Variants in PPP1R42 observed in about 807,000 individuals in gnomAD.
The protein encoded by PPP1R42 is leucine rich repeat containing 67.
Under a neutral mutation model 31.0 loss-of-function variants are expected in PPP1R42, and 34 were observed. The ratio of observed to expected loss-of-function variants is 1.10; its 90% CI spans 0.83 to 1.46. PPP1R42 has a LOEUF of 1.46. Ranked by LOEUF, PPP1R42 falls within the 40% of genes most tolerant of loss-of-function variation. PPP1R42 has a pLI of 0.00. For synonymous variants in PPP1R42, 103 were observed against 109.8 expected, an observed-to-expected ratio of 0.94 and a Z score of 0.39; for missense variants, 268 against 303.0, an observed-to-expected ratio of 0.88 and a Z score of 0.86.
intron 5 of PPP1R42, among the ~76,000 whole-genome samples, chr8:67,002,993 T>TA (rs562250622): frequency 7.9e-4 from 114 of 145,186 alleles, no homozygotes; most frequent in Non-Finnish European, 1.4e-3. Flanking sequence ...CCATCTCTAC[T>TA]AAAAATACAA....
chr8:66,977,042 T>C, intron 7 of PPP1R42, among the ~76,000 whole-genome samples: 1 of 151,742 alleles, frequency 6.6e-6, no homozygotes, highest in Non-Finnish European at 1.5e-5. Flanking sequence ...TTTTGCTTTT[T>C]TTTTTTTTTT....
chr8:67,011,129 G>C (rs1479267381), intron 4 of PPP1R42, among the ~76,000 whole-genome samples: 1 of 151,764 alleles, frequency 6.6e-6, no homozygotes, highest in East Asian at 1.9e-4. Context: ...GAATCAAAAA[G>C]CAAAGAAAGA....
intron 1 of PPP1R42, among the ~76,000 whole-genome samples, chr8:67,027,729 G>A (rs983463427): frequency 6.6e-6 from 1 of 152,134 alleles, no homozygotes; most frequent in African/African-American, 2.4e-5. Flanking sequence ...AATAATGTCC[G>A]CACTTGTGAA....
chr8:66,986,394 C>T (rs1815016628), intron 6 of PPP1R42, among the ~76,000 whole-genome samples: 2 of 152,174 alleles, frequency 1.3e-5, no homozygotes, highest in East Asian at 1.9e-4. Flanking sequence ...CTCAATACTA[C>T]AGCTCACAAA....
At chr8:66,983,701 C>T (rs1003253944) in intron 6 of PPP1R42, among the ~76,000 whole-genome samples, 1 of 152,076 alleles carries the variant, frequency 6.6e-6, no homozygotes, top group Non-Finnish European at 1.5e-5. Context: ...ACCACTTAAA[C>T]ATGAGCCATA....
chr8:67,017,716 C>T lies in PPP1R42; in HGVS notation c.32G>A (p.Arg11Lys). The T allele has an allele frequency of 6.3e-7, 1 of 1,599,340 alleles. No individual in the cohort carries two copies. Among genetic ancestry groups the T allele is most frequent in the Non-Finnish European group, 8.5e-7 (1 of 1,173,406 alleles). Reference sequence around the variant, plus strand: ...TTTTCGGGGTTTAAGATTGCTGTTTCTGGCAATTAGATCCAAGGTCAGTCG... The same window carrying T: ...TTTTCGGGGTTTAAGATTGCTGTTTTTGGCAATTAGATCCAAGGTCAGTCG... MVRLTLDLIARNSNLKPRKEE... is the reference protein window; with the variant it reads MVRLTLDLIAKNSNLKPRKEE... The change falls in exon 2 of 8, where the codon AGA (arginine) becomes AAA (lysine). Residue 11 changes from arginine to lysine, a missense_variant. By Grantham distance (26) the Arg-to-Lys change is conservative (BLOSUM62 2). Coordinates refer to ENST00000685739, the MANE Select transcript of PPP1R42 (RefSeq NM_001364910.1).
At chr8:67,028,128 C>T (rs1003461697) in intron 1 of PPP1R42, among the ~76,000 whole-genome samples, 2 of 152,170 alleles carry the variant, frequency 1.3e-5, no homozygotes, top group Admixed American at 6.6e-5. Flanking sequence ...TATACTTCCA[C>T]TTAGGCCACA....
intron 1 of PPP1R42, among the ~76,000 whole-genome samples, chr8:67,023,092 C>T (rs138499229): frequency 1.5e-5 from 2 of 130,352 alleles, no homozygotes; most frequent in African/African-American, 7.5e-5. Context: ...TATTTAAGGC[C>T]ATGCATAAGT....
intron 5 of PPP1R42, among the ~76,000 whole-genome samples, chr8:67,009,011 C>G (rs1206553264): frequency 6.6e-6 from 1 of 152,148 alleles, no homozygotes; most frequent in Non-Finnish European, 1.5e-5. Flanking sequence ...TGGCTCATGC[C>G]TAGAATCCCA....
At chr8:67,009,041 C>T (rs1157326346) in intron 5 of PPP1R42, among the ~76,000 whole-genome samples, 2 of 152,102 alleles carry the variant, frequency 1.3e-5, no homozygotes, top group Non-Finnish European at 2.9e-5. Flanking sequence ...GAGGCTGAGG[C>T]GGGCAGATCA....
intron 1 of PPP1R42, among the ~76,000 whole-genome samples, chr8:67,023,949 C>A (rs1816302950): frequency 6.6e-6 from 1 of 151,714 alleles, no homozygotes. Context: ...TCGAGACCAT[C>A]CTGGCCAAAA....
At chr8:67,009,575 A>G (rs1463486746) in intron 5 of PPP1R42, among the ~76,000 whole-genome samples, 3 of 149,174 alleles carry the variant, frequency 2.0e-5, no homozygotes, top group South Asian at 4.2e-4. Flanking sequence ...AAATAAAAAG[A>G]AAAAAAAAAT....
chr8:67,021,650 T>G (rs1312051902), intron 1 of PPP1R42, among the ~76,000 whole-genome samples: 2 of 152,158 alleles, frequency 1.3e-5, no homozygotes, highest in East Asian at 3.8e-4. Flanking sequence ...CAAATACATT[T>G]GAAACCCCTC....
chr8:67,016,893 G>T (rs1435852268), intron 2 of PPP1R42, among the ~76,000 whole-genome samples: 1 of 151,900 alleles, frequency 6.6e-6, no homozygotes, highest in African/African-American at 2.4e-5. Flanking sequence ...TTTGAAAAAC[G>T]GTACTCACAT....
intron 1 of PPP1R42, chr8:67,021,307 G>T (rs924748265): frequency 6.6e-6 from 1 of 152,014 alleles, no homozygotes; most frequent in African/African-American, 2.4e-5. Flanking sequence ...TGAAGATATG[G>T]AATGTATTCT....
At chr8:66,993,766 G>A (rs1442933367) in intron 5 of PPP1R42, among the ~76,000 whole-genome samples, 2 of 152,136 alleles carry the variant, frequency 1.3e-5, no homozygotes, top group Non-Finnish European at 2.9e-5. Context: ...TCTGTTTTCT[G>A]CTCACTTTTG....
chr8:66,982,464 AT>A (rs998325192), intron 6 of PPP1R42, among the ~76,000 whole-genome samples: 11 of 149,798 alleles, frequency 7.3e-5, no homozygotes, highest in Admixed American at 3.3e-4. Flanking sequence ...TTATTTATTT[AT>A]TTTTTTTTTG....
intron 5 of PPP1R42, among the ~76,000 whole-genome samples, chr8:67,000,953 A>G (rs1395437292): frequency 2.0e-4 from 31 of 152,076 alleles, no homozygotes; most frequent in Admixed American, 1.6e-3. Flanking sequence ...ACTTCTGTGA[A>G]TTTTTACTTC....
At chr8:66,972,154 A>C (rs905763079) in intron 7 of PPP1R42, among the ~76,000 whole-genome samples, 6 of 152,226 alleles carry the variant, frequency 3.9e-5, no homozygotes, top group Non-Finnish European at 7.3e-5. Context: ...GGACATATAC[A>C]AAAGGATAGA....
Sources: allele counts gnomAD v4.1 joint callset (sites outside exome capture counted in the v4.1 genomes callset), GRCh38; gene constraint gnomAD v4.1.1; transcripts MANE v1.5; gene names NCBI Gene and HGNC (gene_info 2026-07-23, HGNC 2026-07-21).